PRPF39: variants seen among roughly 807,000 people sequenced by gnomAD.
PRPF39 encodes pre-mRNA-processing factor 39.
A neutral mutation model predicts 82.1 loss-of-function variants in PRPF39; 27 were observed. The ratio of observed to expected loss-of-function variants is 0.33; its 90% CI spans 0.24 to 0.45. The LOEUF (loss-of-function observed/expected upper bound fraction) is 0.45. PRPF39 is among the 20% of genes least tolerant of loss of function. The pLI is 1.00. For missense variants in PRPF39, 581 were observed against 796.9 expected (o/e 0.73, Z 3.26); for synonymous variants, 261 against 256.4 (o/e 1.02, Z -0.17).
intron 5 of PRPF39, among the ~76,000 whole-genome samples, chr14:45,105,966 C>T (rs1884518633): frequency 6.6e-6 from 1 of 152,100 alleles, no homozygotes; most frequent in South Asian, 2.1e-4. Context: ...AAGGTACAGT[C>T]AGTAGGACCT....
intron 10 of PRPF39, among the ~76,000 whole-genome samples, chr14:45,111,797 C>A (rs1024150789): frequency 3.3e-5 from 5 of 151,636 alleles, no homozygotes; most frequent in African/African-American, 1.2e-4. Flanking sequence ...CACCACCACG[C>A]CAGTTAATTT....
intron 1 of PRPF39, among the ~76,000 whole-genome samples, chr14:45,086,448 CAT>C (rs1465621269): frequency 5.3e-5 from 8 of 151,960 alleles, no homozygotes; most frequent in African/African-American, 1.7e-4. Flanking sequence ...TTGTGCCTAT[CAT>C]ATGATTTTAT....
intron 11 of PRPF39, among the ~76,000 whole-genome samples, chr14:45,113,871 A>T (rs1884763774): frequency 6.6e-6 from 1 of 152,212 alleles, no homozygotes; most frequent in Non-Finnish European, 1.5e-5. Flanking sequence ...CTGAATTGAT[A>T]GCACATGCAG....
At position 45,095,529 on chromosome 14, in the gene PRPF39, G is replaced by T; in HGVS notation, c.290G>T (p.Gly97Val). The change falls in exon 2 of 14, where the codon GGC becomes GTC. Residue 97 changes from glycine (G) to valine (V), a missense_variant. By Grantham distance (109) the Gly-to-Val change is moderately radical. Transcript: ENST00000355765. ...GAAAATAATCCTCAGGATTTTACAG[G>T]CTGGGTATATTTGCTTCAATATGTA... ...TVENNPQDFT[G>V]WVYLLQYVEQ... The T allele has an allele frequency of 6.2e-7, 1 of 1,609,430 alleles. No individual in the cohort carries two copies. The highest frequency in any genetic ancestry group is 8.5e-7 in the Non-Finnish European group (1 of 1,177,564).
intron 4 of PRPF39, among the ~76,000 whole-genome samples, chr14:45,098,030 T>TA (rs1884255494): frequency 6.6e-6 from 1 of 152,364 alleles, no homozygotes; most frequent in East Asian, 1.9e-4. Context: ...TTAACCCACT[T>TA]ACACTTTGTT....
chr14:45,088,949 GCAAT>G (rs1028951251), intron 1 of PRPF39, among the ~76,000 whole-genome samples: 4 of 152,214 alleles, frequency 2.6e-5, no homozygotes, highest in African/African-American at 9.6e-5. Context: ...CTGGTGTGAA[GCAAT>G]CTACAGTTTG....
Position 45,102,608 on chromosome 14 carries a change from A to G in PRPF39, c.649A>G (p.Asn217Asp), listed in dbSNP as rs45500394. 1,176 of 1,611,776 alleles carry G rather than the reference A, an allele frequency of 7.3e-4. 2 individuals carry two copies. The highest frequency in any genetic ancestry group is 9.0e-4 in the Non-Finnish European group (1,062 of 1,178,324). Residue 217 changes from asparagine (N) to aspartate (D), a missense_variant, in exon 5 of 14, where the codon AAT (asparagine) becomes GAT (aspartate). Physicochemically the swap from Asn to Asp is conservative, Grantham distance 23. Coordinates refer to ENST00000355765, the MANE Select transcript of PRPF39 (RefSeq NM_017922.4). ...GTGGGAAATGTATATAAACTGGGAA[A>G]ATGAGCAGGGAAACCTGAGAGAAGT... Reference protein sequence around the residue: ...RLWEMYINWENEQGNLREVTA... With the variant: ...RLWEMYINWEDEQGNLREVTA...
In PRPF39 at chr14:45,108,495, T is replaced by C. The variant is rs113467402; in HGVS notation, c.984T>C (p.Val328=). 3.7e-6 allele frequency: 6 copies of C among 1,600,786 alleles called. No homozygotes were observed. The African/African-American group carries it at 5.4e-5, about 14-fold the overall frequency. The change falls in exon 7 of 14, where the codon GTT becomes GTC. Residue 328 remains valine (V), a synonymous_variant. Coordinates refer to ENST00000355765, the MANE Select transcript of PRPF39 (RefSeq NM_017922.4). The stretch of plus-strand genomic sequence containing the variant: ...TGTTTAATTATAATGAGCATGAAGT[T>C]AGTAAAAGGTGGACATTTGAAGAAG... The part of the protein sequence containing the change: ...QEMFNYNEHE[V]SKRWTFEEGI...
In PRPF39 at chr14:45,111,114, A is replaced by C. The variant is rs1594736832; in HGVS notation, c.1572+297A>C. On this transcript the variant is annotated intron_variant, in intron 10 of 13. Coordinates refer to ENST00000355765, the MANE Select transcript of PRPF39 (RefSeq NM_017922.4). The stretch of plus-strand genomic sequence containing the variant: ...TACTGATTACTAAGTAGAACAGAGG[A>C]CTTGGGAGAATACTTCATAAACAAA... 6 of 317,374 alleles carry C rather than the reference A, an allele frequency of 1.9e-5. No individual in the cohort carries two copies. In the East Asian group the frequency reaches 3.8e-4, roughly 20 times the overall value. 19.7% of individuals were successfully genotyped at this position (317,374 alleles called of 1,614,324 possible). A position where few individuals can be genotyped will look rare whatever the true frequency, so the allele number is the denominator to read the frequency against.
At chr14:45,087,919 G>C (rs1376260776) in intron 1 of PRPF39, among the ~76,000 whole-genome samples, 5 of 151,958 alleles carry the variant, frequency 3.3e-5, no homozygotes, top group Non-Finnish European at 7.4e-5. Flanking sequence ...TAAAACCCAA[G>C]TACTTATCAC....
rs758823601 is a variant in PRPF39, at chr14:45,095,350, C to T, written c.111C>T (p.Asn37=). 3.2e-5 allele frequency: 51 copies of T among 1,613,528 alleles called. No homozygotes were observed. Among genetic ancestry groups the T allele is most frequent in the Non-Finnish European group, 3.6e-5 (42 of 1,179,664 alleles). Residue 37 remains asparagine, a synonymous_variant, in exon 2 of 14, where the codon AAC becomes AAT. Coordinates refer to ENST00000355765, the MANE Select transcript of PRPF39 (RefSeq NM_017922.4). ...CTGATTTCAGTACTGAGATTATGAA[C>T]GTTACAGAAATGGAACAGTCACCTG... ...HPTDFSTEIM[N]VTEMEQSPDD...
chr14:45,089,531 C>T (rs1488150022), intron 1 of PRPF39, among the ~76,000 whole-genome samples: 3 of 152,264 alleles, frequency 2.0e-5, no homozygotes, highest in East Asian at 1.9e-4. Flanking sequence ...TGCAGTGGCA[C>T]GATCACGACT....
At position 45,112,393 on chromosome 14, in the gene PRPF39, C is replaced by G. The variant is rs138588261; in HGVS notation, c.1648C>G (p.Leu550Val). 3 of 1,579,400 alleles carry G rather than the reference C, an allele frequency of 1.9e-6. No individual in the cohort carries two copies. In the African/African-American group the frequency reaches 4.1e-5, roughly 22 times the overall value. ...CCTCAAACAAAATGAAGAAAATATC[C>G]TAAATTGTTTTGACAAAGCTGTACA... ...GDLKQNEENI[L>V]NCFDKAVHGS... The change falls in exon 11 of 14, where the codon CTA becomes GTA. Residue 550 changes from leucine (L) to valine (V), a missense_variant. Transcript: ENST00000355765.
intron 4 of PRPF39, among the ~76,000 whole-genome samples, chr14:45,102,196 T>C (rs966669858): frequency 6.6e-6 from 1 of 152,168 alleles, no homozygotes; most frequent in Non-Finnish European, 1.5e-5. Context: ...AATTTTGTCT[T>C]CTGTCATAAA....
rs770744252 is a variant in PRPF39 at position 45,095,403 on chromosome 14, C to T, written c.164C>T (p.Thr55Ile). ...GACTCTCCCAATGTGAATGCATCTA[C>T]AGAAGAAACTGAAATGGCAAGTGCT... ...PDDSPNVNAS[T>I]EETEMASAVD... The change falls in exon 2 of 14, where the codon ACA becomes ATA. Residue 55 changes from threonine (T) to isoleucine (I), a missense_variant. By Grantham distance (89) the Thr-to-Ile change is moderately conservative. Transcript: ENST00000355765. The T allele has an allele frequency of 3.1e-6, 5 of 1,613,830 alleles. No individual in the cohort carries two copies. The East Asian group carries it at 1.1e-4, about 36-fold the overall frequency.
At chr14:45,109,852 T>C in intron 8 of PRPF39, 72 bp downstream of exon 8, 2 of 1,523,970 alleles carry the variant, frequency 1.3e-6, no homozygotes, top group Non-Finnish European at 1.8e-6. Flanking sequence ...TTTTTTGTAC[T>C]TCTGTTGAAT....
chr14:45,094,754 G>A (rs1884146187), intron 1 of PRPF39, among the ~76,000 whole-genome samples: 1 of 152,098 alleles, frequency 6.6e-6, no homozygotes, highest in South Asian at 2.1e-4. Flanking sequence ...GCCAAGTGAT[G>A]AGCTTCCTTT....
In PRPF39 at chr14:45,110,961, T is replaced by C; in HGVS notation, c.1572+144T>C. The C allele has an allele frequency of 3.7e-6, 3 of 816,642 alleles. No individual in the cohort carries two copies. Among genetic ancestry groups the C allele is most frequent in the Admixed American group, 3.1e-5 (1 of 32,294 alleles). 50.6% of individuals were successfully genotyped at this position (816,642 alleles called of 1,614,324 possible). ...GAGGACAACAGTCCCTCTAAACTGATGTTGCCATTTAAAAATTTTTTTCAA... is the reference window on the plus strand; with the variant it reads ...GAGGACAACAGTCCCTCTAAACTGACGTTGCCATTTAAAAATTTTTTTCAA... On this transcript the variant is annotated intron_variant, in intron 10 of 13. Coordinates refer to ENST00000355765, the MANE Select transcript of PRPF39 (RefSeq NM_017922.4). The surrounding 1 kb of genome is among the most constrained non-coding windows in gnomAD (Gnocchi z 4.0).
chr14:45,115,997 G>C lies in PRPF39; in HGVS notation c.*1084G>C. The C allele has an allele frequency of 1.8e-6, 1 of 541,742 alleles. No homozygotes were observed. Among genetic ancestry groups the C allele is most frequent in the Non-Finnish European group, 3.3e-6 (1 of 299,128 alleles). The allele number at this position is 541,742 out of a possible 1,614,324, so 33.6% of individuals were successfully genotyped here. A position where few individuals can be genotyped will look rare whatever the true frequency, so the allele number is the denominator to read the frequency against. On this transcript the variant is annotated 3_prime_UTR_variant, in exon 14 of 14. Coordinates refer to ENST00000355765, the MANE Select transcript of PRPF39 (RefSeq NM_017922.4). ...TTGACCAGTATTTTACACAGCTGTA[G>C]GAAAGTATTTTAGACCAGGGATTCA...
Sources: gnomAD v4.1 joint callset for allele counts (sites outside exome capture counted in the v4.1 genomes callset) on GRCh38, gnomAD v4.1.1 for gene constraint, Gnocchi (gnomAD v3.1) non-coding constraint, MANE v1.5 for transcripts, NCBI Gene and HGNC (gene_info 2026-07-23, HGNC 2026-07-21) for gene names.